SLC22A2: variants seen among roughly 807,000 people sequenced by gnomAD.
SLC22A2 encodes organic cation transporter 2.
A neutral mutation model predicts 60.5 loss-of-function variants in SLC22A2; 46 were observed. That is an observed-to-expected ratio of 0.76 (90% CI 0.60 to 0.97). The LOEUF is 0.97. SLC22A2 is among the 50% of genes least tolerant of loss of function. The pLI is 0.00. For missense variants in SLC22A2, 701 were observed against 706.6 expected (o/e 0.99, Z 0.09); for synonymous variants, 303 against 267.0 (o/e 1.13, Z -1.31).
chr6:160,258,481 C>T lies in SLC22A2; in HGVS notation c.277G>A (p.Glu93Lys), dbSNP rs770799721. The T allele has an allele frequency of 5.6e-6, 9 of 1,614,032 alleles. No individual in the cohort carries two copies. The highest frequency in any genetic ancestry group is 1.7e-5 in the Admixed American group (1 of 60,006). ...EASPRQCRRYEVDWNQSTFDC... is the reference protein window; with the variant it reads ...EASPRQCRRYKVDWNQSTFDC... ...AAGGTGCTCTGGTTCCAGTCCACCT[C>T]GTAGCGCCTACACTGTCTTGGGGAG... Residue 93 changes from glutamate (E) to lysine (K), a missense_variant, in exon 1 of 11, where the codon GAG becomes AAG. Transcript: ENST00000366953.
At position 160,242,417 on chromosome 6, in the gene SLC22A2, A is replaced by T; in HGVS notation, c.1280-15T>A. The T allele has an allele frequency of 7.5e-7, 1 of 1,332,738 alleles. No homozygotes were observed. Among genetic ancestry groups the T allele is most frequent in the Non-Finnish European group, 1.1e-6 (1 of 923,120 alleles). 82.6% of individuals were successfully genotyped at this position (1,332,738 alleles called of 1,614,324 possible). A position where few individuals can be genotyped will look rare whatever the true frequency, so the allele number is the denominator to read the frequency against. Reference sequence around the variant, plus strand: ...CCATTGTAGATCTAAGAGGGAAAAGAACAGTACTTATCCGTACACAGATGA... The same window carrying T: ...CCATTGTAGATCTAAGAGGGAAAAGTACAGTACTTATCCGTACACAGATGA... On this transcript the variant is annotated splice_polypyrimidine_tract_variant and intron_variant, in intron 7 of 10. Coordinates refer to ENST00000366953, the MANE Select transcript of SLC22A2 (RefSeq NM_003058.4).
intron 2 of SLC22A2, among the ~76,000 whole-genome samples, chr6:160,254,151 G>A (rs910261380): frequency 2.4e-4 from 37 of 152,204 alleles, no homozygotes; most frequent in African/African-American, 8.2e-4. Context: ...GGTGGTAGGC[G>A]CCTGTAATCC....
intron 2 of SLC22A2, among the ~76,000 whole-genome samples, chr6:160,251,579 A>G (rs1478691313): frequency 6.6e-6 from 1 of 152,062 alleles, no homozygotes; most frequent in East Asian, 1.9e-4. Context: ...CTGGGGCCCA[A>G]TACTGTTATT....
At chr6:160,217,687 G>A (rs1308679876) in intron 10 of SLC22A2, among the ~76,000 whole-genome samples, 189 bp from the exon 11 acceptor site, 3 of 152,144 alleles carry the variant, frequency 2.0e-5, no homozygotes, top group Non-Finnish European at 4.4e-5. Context: ...AACTCATGTC[G>A]ACAGAGTTAT....
intron 9 of SLC22A2, among the ~76,000 whole-genome samples, chr6:160,238,400 G>T (rs1318272111): frequency 2.0e-5 from 3 of 152,206 alleles, no homozygotes; most frequent in Non-Finnish European, 4.4e-5. Context: ...AACACATTCA[G>T]CTGGCATCTG....
chr6:160,222,677 C>A (rs939119069), intron 10 of SLC22A2, among the ~76,000 whole-genome samples: 2 of 152,088 alleles, frequency 1.3e-5, no homozygotes, highest in African/African-American at 4.8e-5. Context: ...TGAAAGGTCT[C>A]CAACTCAAAT....
rs73782101 is a variant in SLC22A2 at position 160,257,427 on chromosome 6, C to G, written c.415-710G>C. On this transcript the variant is annotated intron_variant, in intron 1 of 10. Coordinates refer to ENST00000366953, the MANE Select transcript of SLC22A2 (RefSeq NM_003058.4). Reference sequence around the variant, plus strand: ...AGGGCTAACCCTGCTAAGTTATTCACTGTGTGGCCTGGGGAAAAACCTTCT... The same window carrying G: ...AGGGCTAACCCTGCTAAGTTATTCAGTGTGTGGCCTGGGGAAAAACCTTCT... Among the ~76,000 whole-genome samples, 585 of 152,246 alleles carry G rather than the reference C, an allele frequency of 3.8e-3. 6 individuals carry two copies. The highest frequency in any genetic ancestry group is 0.013 in the African/African-American group (555 of 41,548).
At chr6:160,219,183 C>CAGCAGCAACAGT (rs1782603205) in intron 10 of SLC22A2, among the ~76,000 whole-genome samples, 1 of 142,772 alleles carries the variant, frequency 7.0e-6, no homozygotes. Flanking sequence ...GCAACAACAG[C>CAGCAGCAACAGT]AGCAACAACA....
chr6:160,247,088 T>C, intron 5 of SLC22A2, 96 bp downstream of exon 5: 1 of 732,824 alleles, frequency 1.4e-6, no homozygotes, highest in Non-Finnish European at 2.4e-6. Flanking sequence ...GGTGGGTGCT[T>C]CCATGGTTCC....
Position 160,258,412 on chromosome 6 carries a change from G to A in SLC22A2, c.346C>T (p.Arg116Cys), listed in dbSNP as rs754756404. The change falls in exon 1 of 11, where the codon CGC becomes TGC. Residue 116 changes from arginine to cysteine, a missense_variant. By Grantham distance (180) the Arg-to-Cys change is radical (BLOSUM62 -3). Transcript: ENST00000366953. Reference protein sequence around the residue: ...PLASLDTNRSRLPLGPCRDGW... With the variant: ...PLASLDTNRSCLPLGPCRDGW... ...TCCCGGCAGGGGCCCAGTGGCAGGC[G>A]GCTCCTGTTGGTGTCCAGGCTGGCC... is the stretch of plus-strand genomic sequence containing the variant. 7.4e-6 allele frequency: 12 copies of A among 1,613,724 alleles called. No homozygotes were observed. The East Asian group carries it at 8.9e-5, about 12-fold the overall frequency.
At chr6:160,242,468 G>A (rs1241576058) in intron 7 of SLC22A2, 66 bp from the exon 8 acceptor site, 17 of 925,692 alleles carry the variant, frequency 1.8e-5, no homozygotes, top group Non-Finnish European at 5.4e-6. Context: ...CAGTGCTCCA[G>A]AGTGGGACTG....
chr6:160,224,767 C>A lies in SLC22A2; in HGVS notation c.1539G>T (p.Leu513Phe). 2 of 1,601,254 alleles carry A rather than the reference C, an allele frequency of 1.2e-6. No individual in the cohort carries two copies. Among genetic ancestry groups the A allele is most frequent in the Non-Finnish European group, 1.7e-6 (2 of 1,172,578 alleles). Reference sequence around the variant, plus strand: ...AAGCTTTCCCTTTAGTTTCTGGAAGCAACAGCACCAGACCTCCAGCAACCA... The same window carrying A: ...AAGCTTTCCCTTTAGTTTCTGGAAGAAACAGCACCAGACCTCCAGCAACCA... ...LGLVAGGLVL[L>F]LPETKGKALP... The change falls in exon 10 of 11, where the codon TTG (leucine) becomes TTT (phenylalanine). Residue 513 changes from leucine (L) to phenylalanine (F), a missense_variant. Coordinates refer to ENST00000366953, the MANE Select transcript of SLC22A2 (RefSeq NM_003058.4).
At position 160,250,697 on chromosome 6, in the gene SLC22A2, C is replaced by A. The variant is rs769231128; in HGVS notation, c.524G>T (p.Gly175Val). 1.1e-5 allele frequency: 18 copies of A among 1,613,280 alleles called. No homozygotes were observed. Among genetic ancestry groups the A allele is most frequent in the Non-Finnish European group, 1.2e-5 (14 of 1,179,628 alleles). The change falls in exon 3 of 11, where the codon GGC (glycine) becomes GTC (valine). Residue 175 changes from glycine to valine, a missense_variant. Transcript: ENST00000366953. Reference sequence around the variant, plus strand: ...TGTAGTTAGGAGGCAGAGCTTACGGCCAAACCTGCAGGAAGAAAAACAAAG... The same window carrying A: ...TGTAGTTAGGAGGCAGAGCTTACGGACAAACCTGCAGGAAGAAAAACAAAG... ...MSIGYIADRF[G>V]RKLCLLTTVL...
chr6:160,219,649 A>G (rs1308924257), intron 10 of SLC22A2, among the ~76,000 whole-genome samples: 3 of 149,070 alleles, frequency 2.0e-5, no homozygotes, highest in Non-Finnish European at 4.4e-5. Flanking sequence ...AATAACGCCT[A>G]TTTCATAGGG....
At chr6:160,247,356 C>CG (rs1562437217) in intron 4 of SLC22A2, 58 bp from the exon 5 acceptor site, 52 of 896,652 alleles carry the variant, frequency 5.8e-5, no homozygotes, top group Admixed American at 2.2e-4. Context: ...CCCCATCCCC[C>CG]ATTTTTTTAT....
intron 9 of SLC22A2, among the ~76,000 whole-genome samples, chr6:160,230,392 TA>T (rs1030864327): frequency 2.0e-5 from 3 of 151,860 alleles, no homozygotes; most frequent in African/African-American, 7.3e-5. Context: ...TCATCAAATA[TA>T]AAAACCCAGC....
At chr6:160,236,052 T>C (rs997798714) in intron 9 of SLC22A2, among the ~76,000 whole-genome samples, 2 of 152,228 alleles carry the variant, frequency 1.3e-5, no homozygotes, top group Non-Finnish European at 2.9e-5. Context: ...TATTTATTTG[T>C]CAATTGTGTT....
chr6:160,223,571 G>C (rs1376415709), intron 10 of SLC22A2, among the ~76,000 whole-genome samples: 1 of 152,032 alleles, frequency 6.6e-6, no homozygotes, highest in Non-Finnish European at 1.5e-5. Flanking sequence ...TATTTAACTG[G>C]TGTTCTAATT....
chr6:160,258,605 GCAGCGGTGGT>G lies in SLC22A2; in HGVS notation c.143_152del (p.Asp48AlafsTer9). The G allele has an allele frequency of 1.9e-6, 3 of 1,614,020 alleles. 1 individual carries two copies. The highest frequency in any genetic ancestry group is 2.5e-6 in the Non-Finnish European group (3 of 1,179,956). ...TCAGCTCGGCCACTCCGGGGCTCCG[GCAGCGGTGGT>G]CAGGGGTGAAGCCCAGGAAGACGAT... is the stretch of plus-strand genomic sequence containing the variant. On this transcript the variant is annotated frameshift_variant, in exon 1 of 11. Coordinates refer to ENST00000366953, the MANE Select transcript of SLC22A2 (RefSeq NM_003058.4). LOFTEE classifies it high-confidence loss of function.
Sources: gnomAD v4.1 joint callset for allele counts (sites outside exome capture counted in the v4.1 genomes callset) on GRCh38, gnomAD v4.1.1 for gene constraint, MANE v1.5 for transcripts, NCBI Gene and HGNC (gene_info 2026-07-23, HGNC 2026-07-21) for gene names.